TLE1: variants seen among roughly 807,000 people sequenced by gnomAD.
TLE1 encodes TLE family member 1, transcriptional corepressor.
Under a neutral mutation model 89.8 loss-of-function variants are expected in TLE1, and 21 were observed. The ratio of observed to expected loss-of-function variants is 0.23; its 90% CI spans 0.17 to 0.34. The LOEUF (loss-of-function observed/expected upper bound fraction) is 0.34, where lower values mean the gene tolerates loss of function less well. Among genes scored for constraint, TLE1 ranks in the 10% least tolerant of loss-of-function variants. The probability of loss-of-function intolerance (pLI) is 1.00; values close to 1 mark genes in which losing one functional copy is unlikely to be tolerated. For synonymous variants in TLE1, 447 were observed against 407.6 expected (o/e 1.10, Z -1.16); for missense variants, 795 against 1,031.2 (o/e 0.77, Z 3.14).
chr9:81,681,927 T>C (rs1297398157), intron 4 of TLE1, among the ~76,000 whole-genome samples: 1 of 152,052 alleles, frequency 6.6e-6, no homozygotes, highest in Non-Finnish European at 1.5e-5. Flanking sequence ...CTCATCTTCC[T>C]GATGGCAGCA....
rs900484687 is a variant in TLE1 at position 81,634,254 on chromosome 9, T to G, written c.420A>C (p.Pro140=). 7.0e-6 allele frequency: 11 copies of G among 1,565,128 alleles called. No individual in the cohort carries two copies. Among genetic ancestry groups the G allele is most frequent in the Non-Finnish European group, 9.6e-6 (11 of 1,150,546 alleles). ...CCGAAGGGTGAGGCGTAAGGGGAAC[T>G]GGGGGTCCGTGGCCATGAGAAAGAT... is the stretch of plus-strand genomic sequence containing the variant. ...AQHLSHGHGP[P]VPLTPHPSGL... is the part of the protein sequence containing the mutation. Residue 140 remains proline, a synonymous_variant, in exon 7 of 20, where the codon CCA becomes CCC. Coordinates refer to ENST00000376499, the MANE Select transcript of TLE1 (RefSeq NM_005077.5).
chr9:81,607,303 G>C (rs1329707838), intron 14 of TLE1, among the ~76,000 whole-genome samples: 1 of 151,432 alleles, frequency 6.6e-6, no homozygotes, highest in Non-Finnish European at 1.5e-5. Context: ...TAATAAGCAT[G>C]ATATTACTTC....
At chr9:81,686,417 G>A (rs1049617780) in intron 2 of TLE1, among the ~76,000 whole-genome samples, 13 of 152,178 alleles carry the variant, frequency 8.5e-5, no homozygotes, top group African/African-American at 3.1e-4. Context: ...GTGGGTTGAA[G>A]TTCTCCCTGC....
At chr9:81,599,787 C>A (rs1377249631) in intron 14 of TLE1, 8 of 285,438 alleles carry the variant, frequency 2.8e-5, no homozygotes, top group Non-Finnish European at 4.5e-5. Context: ...TGGAAGACAG[C>A]ATTTCTGTGT....
chr9:81,633,602 G>C (rs1056554127), intron 7 of TLE1: 2 of 580,666 alleles, frequency 3.4e-6, no homozygotes, highest in Non-Finnish European at 5.8e-6. Flanking sequence ...TTTATTTCTT[G>C]ACAGAATAAA....
intron 8 of TLE1, among the ~76,000 whole-genome samples, chr9:81,621,183 C>G (rs1007563282): frequency 6.6e-6 from 1 of 152,182 alleles, no homozygotes; most frequent in Non-Finnish European, 1.5e-5. Context: ...GCAAGGCCAG[C>G]TCCCACACAC....
chr9:81,633,197 AG>A (rs1563999825), intron 8 of TLE1, 150 bp downstream of exon 8: 2 of 1,353,922 alleles, frequency 1.5e-6, no homozygotes, highest in Non-Finnish European at 1.9e-6. Context: ...AAGGAAAAAA[AG>A]TAAAAGAAAA....
At chr9:81,630,532 AG>A (rs1826448180) in intron 8 of TLE1, among the ~76,000 whole-genome samples, 2 of 152,242 alleles carry the variant, frequency 1.3e-5, no homozygotes, top group Non-Finnish European at 2.9e-5. Flanking sequence ...ATATTAACCT[AG>A]TAAATATCAA....
intron 4 of TLE1, among the ~76,000 whole-genome samples, chr9:81,660,235 T>C (rs200174021): frequency 4.3e-4 from 66 of 151,736 alleles, no homozygotes; most frequent in African/African-American, 2.7e-4. Context: ...ACTTTCAAAG[T>C]CATGCCTCAA....
chr9:81,584,182 A>G lies in TLE1; in HGVS notation c.*16T>C. ...TTGGCCCAATTCAACTATAAACGTT[A>G]AACCACATAATGTTTTCAGTAGATG... On this transcript the variant is annotated 3_prime_UTR_variant, in exon 20 of 20. Coordinates refer to ENST00000376499, the MANE Select transcript of TLE1 (RefSeq NM_005077.5). 1 of 1,603,292 alleles carries G rather than the reference A, an allele frequency of 6.2e-7. No individual in the cohort carries two copies. The highest frequency in any genetic ancestry group is 8.5e-7 in the Non-Finnish European group (1 of 1,170,134).
In TLE1 at chr9:81,611,873, G is replaced by A. The variant is rs765260417; in HGVS notation, c.1150C>T (p.Leu384=). ...MVPHAGMNGE[L]TSPGAAYASL... is the part of the protein sequence containing the mutation. ...GCGTAGGCAGCGCCTGGGCTGGTCAGCTCGCCGTTCATGCCAGCGTGGGGG... is the reference window on the plus strand; with the variant it reads ...GCGTAGGCAGCGCCTGGGCTGGTCAACTCGCCGTTCATGCCAGCGTGGGGG... Residue 384 remains leucine (L), a synonymous_variant, in exon 13 of 20, where the codon CTG becomes TTG. Transcript: ENST00000376499. The A allele has an allele frequency of 3.2e-6, 5 of 1,554,104 alleles. No homozygotes were observed. The highest frequency in any genetic ancestry group is 1.4e-5 in the African/African-American group (1 of 70,470).
intron 4 of TLE1, among the ~76,000 whole-genome samples, chr9:81,675,183 A>G (rs188297541): frequency 2.5e-4 from 38 of 152,278 alleles, no homozygotes; most frequent in Non-Finnish European, 4.6e-4. Flanking sequence ...TGACAGATAG[A>G]TATTACAAAA....
At chr9:81,599,983 G>C (rs2131921916) in intron 14 of TLE1, 1 of 607,362 alleles carries the variant, frequency 1.6e-6, no homozygotes, top group Middle Eastern at 2.6e-4. Flanking sequence ...ACAAGAAACA[G>C]ATGACCTAAG....
rs1564048705 is a variant in TLE1 at position 81,662,359 on chromosome 9, T to TC, written c.235-8324_235-8323insG. On this transcript the variant is annotated intron_variant, in intron 4 of 19. Transcript: ENST00000376499. ...CACGGTGTTAGTATTAGTGTGCCTGTTTTGTGTGTGTGTGTGTGTGTGTGT... is the reference window on the plus strand; with the variant it reads ...CACGGTGTTAGTATTAGTGTGCCTGTCTTTGTGTGTGTGTGTGTGTGTGTGT... 3.3e-5 allele frequency among the ~76,000 whole-genome samples: 3 copies of TC among 91,906 alleles called. No homozygotes were observed. The South Asian group carries it at 1.2e-3, about 36-fold the overall frequency. The allele number at this position is 91,906 out of a possible 152,430, so 60.3% of individuals were successfully genotyped here. A position where few individuals can be genotyped will look rare whatever the true frequency, so the allele number is the denominator to read the frequency against.
chr9:81,604,892 T>C (rs1787200753), intron 14 of TLE1, among the ~76,000 whole-genome samples: 1 of 152,162 alleles, frequency 6.6e-6, no homozygotes, highest in Admixed American at 6.5e-5. Flanking sequence ...TTTCTGACCC[T>C]AATTTTGGTC....
At chr9:81,602,368 G>A (rs528172243) in intron 14 of TLE1, among the ~76,000 whole-genome samples, 4 of 152,234 alleles carry the variant, frequency 2.6e-5, no homozygotes, top group South Asian at 2.1e-4. Context: ...TTCTGATGTC[G>A]GATTTTTTTC....
intron 14 of TLE1, among the ~76,000 whole-genome samples, chr9:81,602,462 T>C (rs1487012257): frequency 6.6e-6 from 1 of 152,170 alleles, no homozygotes; most frequent in Non-Finnish European, 1.5e-5. Context: ...TTCTGTTTCA[T>C]ACAGACCTTA....
chr9:81,662,118 A>C (rs1477714390), intron 4 of TLE1, among the ~76,000 whole-genome samples: 1 of 152,250 alleles, frequency 6.6e-6, no homozygotes, highest in Non-Finnish European at 1.5e-5. Context: ...AGAGAAAAAA[A>C]CAGGTAAAGA....
At position 81,675,698 on chromosome 9, in the gene TLE1, G is replaced by GTTTTTTTTTTTTTTTT. The variant is rs35060460; in HGVS notation, c.234+9977_234+9978insAAAAAAAAAAAAAAAA. Among the ~76,000 whole-genome samples the GTTTTTTTTTTTTTTTT allele has an allele frequency of 2.7e-3, 345 of 129,548 alleles. 33 individuals carry two copies. Among genetic ancestry groups the GTTTTTTTTTTTTTTTT allele is most frequent in the Non-Finnish European group, 3.4e-3 (217 of 63,792 alleles). The allele number at this position is 129,548 out of a possible 152,430, so 85.0% of individuals were successfully genotyped here. A position where few individuals can be genotyped will look rare whatever the true frequency, so the allele number is the denominator to read the frequency against. On this transcript the variant is annotated intron_variant, in intron 4 of 19. Coordinates refer to ENST00000376499, the MANE Select transcript of TLE1 (RefSeq NM_005077.5). ...AATTTTAGCATAAGGACTCACACTA[G>GTTTTTTTTTTTTTTTT]TTTTTTTTTGTTTTTTTTTTTGAGA...
Sources: allele counts gnomAD v4.1 joint callset (sites outside exome capture counted in the v4.1 genomes callset), GRCh38; gene constraint gnomAD v4.1.1; transcripts MANE v1.5; gene names NCBI Gene and HGNC (gene_info 2026-07-23, HGNC 2026-07-21).